WBP2NL: variants seen among roughly 807,000 people sequenced by gnomAD.
The protein encoded by WBP2NL is postacrosomal sheath WW domain-binding protein.
A neutral mutation model predicts 23.3 loss-of-function variants in WBP2NL; 27 were observed. That is an observed-to-expected ratio of 1.16 (90% CI 0.85 to 1.60). The LOEUF (loss-of-function observed/expected upper bound fraction) is 1.60. Among genes scored for constraint, WBP2NL ranks in the 40% most tolerant of loss-of-function variants. The probability of loss-of-function intolerance (pLI) is 0.00; values close to 1 mark genes in which losing one functional copy is unlikely to be tolerated. For synonymous variants in WBP2NL, 151 were observed against 145.9 expected (o/e 1.03, Z -0.25); for missense variants, 370 against 389.5 (o/e 0.95, Z 0.42).
In WBP2NL at chr22:42,027,138, A is replaced by C. The variant is rs1217332131; in HGVS notation, c.887A>C (p.Glu296Ala). 1 of 1,614,020 alleles carries C rather than the reference A, an allele frequency of 6.2e-7. No homozygotes were observed. Among genetic ancestry groups the C allele is most frequent in the Non-Finnish European group, 8.5e-7 (1 of 1,179,946 alleles). The change falls in exon 6 of 6, where the codon GAG (glutamate) becomes GCG (alanine). Residue 296 changes from glutamate to alanine, a missense_variant. Transcript: ENST00000328823. ...ESTAAQAPEN[E>A]ASLPSASSSQ... ...ACAGCAGCCCAGGCTCCTGAAAACGAGGCTTCTCTTCCCTCTGCCTCCTCT... is the reference window on the plus strand; with the variant it reads ...ACAGCAGCCCAGGCTCCTGAAAACGCGGCTTCTCTTCCCTCTGCCTCCTCT...
At position 42,023,593 on chromosome 22, in the gene WBP2NL, G is replaced by A. The variant is rs574241504; in HGVS notation, c.514+1237G>A. ...TGCAAGCTCCACCTCCCGGGTTCAC[G>A]CCATTCTCCTGCCTCAGCCTCCTGA... is the stretch of plus-strand genomic sequence containing the variant. On this transcript the variant is annotated intron_variant, in intron 5 of 5. Coordinates refer to ENST00000328823, the MANE Select transcript of WBP2NL (RefSeq NM_152613.3). Among the ~76,000 whole-genome samples, 57 of 151,920 alleles carry A rather than the reference G, an allele frequency of 3.8e-4. 1 individual carries two copies. Among genetic ancestry groups the A allele is most frequent in the Middle Eastern group, 6.8e-3 (2 of 294 alleles).
chr22:42,045,556 A>C (rs1401404966), intron 8 of WBP2NL, among the ~76,000 whole-genome samples: 1 of 152,248 alleles, frequency 6.6e-6, no homozygotes. Flanking sequence ...TGTTGATCCC[A>C]TGGGCATTAC....
At chr22:42,036,621 C>G (rs1484171904), downstream of WBP2NL, among the ~76,000 whole-genome samples, 2 of 152,150 alleles carry the variant, frequency 1.3e-5, no homozygotes, top group African/African-American at 4.8e-5. Flanking sequence ...TGATAATAGC[C>G]TAAAAGGTGT....
downstream of WBP2NL, among the ~76,000 whole-genome samples, chr22:42,035,046 A>G (rs920332046): frequency 4.6e-5 from 7 of 152,272 alleles, no homozygotes; most frequent in Non-Finnish European, 1.0e-4. Flanking sequence ...GATTAAAGCA[A>G]AGACAGGCAT....
chr22:42,043,820 A>G (rs1359483193), intron 8 of WBP2NL, among the ~76,000 whole-genome samples: 3 of 151,776 alleles, frequency 2.0e-5, no homozygotes, highest in Non-Finnish European at 2.9e-5. Context: ...TCCACCTCCC[A>G]GGTTCAAGCG....
chr22:42,050,058 G>T (rs1925780170), intron 8 of WBP2NL, among the ~76,000 whole-genome samples: 1 of 152,054 alleles, frequency 6.6e-6, no homozygotes. Flanking sequence ...TTTACAGGTG[G>T]CTCATGCCTG....
intron 1 of WBP2NL, among the ~76,000 whole-genome samples, chr22:42,005,694 C>T (rs946704182): frequency 6.6e-6 from 1 of 152,202 alleles, no homozygotes; most frequent in African/African-American, 2.4e-5. Flanking sequence ...TAAAGTTGAG[C>T]AAACTTTCCA....
chr22:42,013,507 A>T (rs994992893), intron 1 of WBP2NL, among the ~76,000 whole-genome samples: 1 of 152,192 alleles, frequency 6.6e-6, no homozygotes, highest in Non-Finnish European at 1.5e-5. Context: ...GCTTTCAATA[A>T]TTTGATTATA....
At chr22:42,011,543 A>G (rs936311738) in intron 1 of WBP2NL, among the ~76,000 whole-genome samples, 1 of 151,914 alleles carries the variant, frequency 6.6e-6, no homozygotes, top group Non-Finnish European at 1.5e-5. Flanking sequence ...ATGAGCCACC[A>G]CACCTAGCTG....
At chr22:42,022,586 A>ATACTT (rs980349759) in intron 5 of WBP2NL, among the ~76,000 whole-genome samples, 6 of 152,262 alleles carry the variant, frequency 3.9e-5, no homozygotes, top group African/African-American at 1.4e-4. Flanking sequence ...AACCTGGAAC[A>ATACTT]TACTTGGCAA....
chr22:42,001,312 C>A (rs1921648311), intron 1 of WBP2NL: 2 of 695,640 alleles, frequency 2.9e-6, no homozygotes, highest in African/African-American at 3.5e-5. Context: ...CAGTGACAGT[C>A]TGTGCATCAT....
At chr22:42,057,293 G>A (rs188189759) in intron 8 of WBP2NL, among the ~76,000 whole-genome samples, 57 of 152,090 alleles carry the variant, frequency 3.7e-4, no homozygotes, top group African/African-American at 1.3e-3. Flanking sequence ...TTCTTTTTCT[G>A]TCAAATCTAC....
chr22:41,998,938 T>A, intron 1 of WBP2NL, 58 bp downstream of exon 1: 9 of 1,538,922 alleles, frequency 5.8e-6, no homozygotes, highest in Non-Finnish European at 7.1e-6. Context: ...GAGATAGACA[T>A]GGCGGCTCGC....
intron 2 of WBP2NL, 58 bp from the exon 3 acceptor site, chr22:42,019,600 TGTAA>T: frequency 6.2e-7 from 1 of 1,604,420 alleles, no homozygotes; most frequent in Non-Finnish European, 8.5e-7. Flanking sequence ...ACCTTGCTCT[TGTAA>T]GTCTCAATCC....
At chr22:42,029,100 C>A (rs1401667399), downstream of WBP2NL, among the ~76,000 whole-genome samples, 1 of 152,170 alleles carries the variant, frequency 6.6e-6, no homozygotes, top group Admixed American at 6.5e-5. Context: ...TTCTTAATTT[C>A]ATTGGCCTTT....
chr22:42,002,412 T>A (rs530924309), intron 1 of WBP2NL, among the ~76,000 whole-genome samples: 1 of 151,982 alleles, frequency 6.6e-6, no homozygotes, highest in African/African-American at 2.4e-5. Context: ...GTGAAACCCC[T>A]GTCCCTACTA....
chr22:42,000,655 G>A (rs779277446), intron 1 of WBP2NL, among the ~76,000 whole-genome samples: 5 of 151,990 alleles, frequency 3.3e-5, no homozygotes, highest in Admixed American at 6.6e-5. Flanking sequence ...ATAGCCGGGC[G>A]CGGTGGCCCA....
downstream of WBP2NL, among the ~76,000 whole-genome samples, chr22:42,034,225 G>C (rs1271394333): frequency 1.3e-5 from 2 of 152,234 alleles, no homozygotes; most frequent in Non-Finnish European, 2.9e-5. Flanking sequence ...AAGGGCAAGG[G>C]GGTATCGGGG....
chr22:42,049,700 CAAAACAAAAAAAAAA>C (rs983516449), intron 8 of WBP2NL, among the ~76,000 whole-genome samples: 50 of 36,484 alleles, frequency 1.4e-3, no homozygotes, highest in East Asian at 6.2e-3. Flanking sequence ...CAAAACAAAA[CAAAACAAAAAAAAAA>C]AAAAAAAAAA....
Sources: gnomAD v4.1 joint callset for allele counts (sites outside exome capture counted in the v4.1 genomes callset) on GRCh38, gnomAD v4.1.1 for gene constraint, MANE v1.5 for transcripts, NCBI Gene and HGNC (gene_info 2026-07-23, HGNC 2026-07-21) for gene names.